Variants in DOCK1 observed in about 807,000 individuals in gnomAD.
DOCK1 encodes dedicator of cytokinesis protein 1.
Under a neutral mutation model 262.7 loss-of-function variants are expected in DOCK1, and 138 were observed. That is an observed-to-expected ratio of 0.53 (90% confidence interval 0.46 to 0.61). DOCK1 has a LOEUF of 0.61. Ranked by LOEUF, DOCK1 falls within the 20% of genes least tolerant of loss-of-function variation. DOCK1 has a pLI of 0.00. For synonymous variants in DOCK1, 866 were observed against 867.4 expected, an observed-to-expected ratio of 1.00 and a Z score of 0.03; for missense variants, 1,908 against 2,370.7, an observed-to-expected ratio of 0.80 and a Z score of 4.05.
At chr10:126,906,221 C>G (rs1405924598) in intron 1 of DOCK1, among the ~76,000 whole-genome samples, 2 of 152,202 alleles carry the variant, frequency 1.3e-5, no homozygotes, top group Non-Finnish European at 2.9e-5. Context: ...CCTGTTTTTG[C>G]TCCGCGGCTC....
intron 25 of DOCK1, among the ~76,000 whole-genome samples, chr10:127,119,268 C>CT (rs1474590371): frequency 6.6e-6 from 1 of 152,148 alleles, no homozygotes; most frequent in Non-Finnish European, 1.5e-5. Flanking sequence ...AGGATGGTCT[C>CT]TATCTCCTGA....
chr10:126,942,573 A>T (rs1469479973), intron 1 of DOCK1, among the ~76,000 whole-genome samples: 1 of 152,134 alleles, frequency 6.6e-6, no homozygotes, highest in Non-Finnish European at 1.5e-5. Flanking sequence ...GATTTGCAGG[A>T]AGTTTCCTTA....
intron 27 of DOCK1, among the ~76,000 whole-genome samples, chr10:127,132,034 C>T (rs1040695734): frequency 2.0e-5 from 3 of 152,162 alleles, no homozygotes; most frequent in African/African-American, 7.2e-5. Context: ...GAAATGTGGC[C>T]TCTTTCCATC....
chr10:127,448,052 T>C (rs28706731), intron 51 of DOCK1, among the ~76,000 whole-genome samples: 2 of 152,140 alleles, frequency 1.3e-5, no homozygotes, highest in Admixed American at 1.3e-4. Flanking sequence ...TCCTGGGTGG[T>C]GACAGGCACT....
chr10:127,045,060 T>C (rs2044251723), intron 21 of DOCK1, among the ~76,000 whole-genome samples: 6 of 151,744 alleles, frequency 4.0e-5, no homozygotes, highest in Admixed American at 3.9e-4. Context: ...TAGCTGCGCG[T>C]GGTGGCACGT....
rs772736819 is a variant in DOCK1, at chr10:127,020,567, CA to C, written c.1327+1746del. On this transcript the variant is annotated intron_variant, in intron 13 of 51. Coordinates refer to ENST00000623213, the MANE Select transcript of DOCK1 (RefSeq NM_001290223.2). ...TGAGTGACAGAGAGAGAACCTGTCT[CA>C]AAAAAAAAAAAAACTAAGTCTAAAC... 1.3e-3 allele frequency among the ~76,000 whole-genome samples: 150 copies of C among 117,030 alleles called. 1 individual carries two copies. The highest frequency in any genetic ancestry group is 1.9e-3 in the African/African-American group (57 of 30,430). The allele number at this position is 117,030 out of a possible 152,430, so 76.8% of individuals were successfully genotyped here.
chr10:127,040,884 C>T (rs1466575964), intron 19 of DOCK1, among the ~76,000 whole-genome samples: 1 of 152,200 alleles, frequency 6.6e-6, no homozygotes, highest in Non-Finnish European at 1.5e-5. Context: ...ACACTTTCAT[C>T]ATCCCAAAAG....
chr10:127,397,831 G>A (rs1018672931), intron 38 of DOCK1, among the ~76,000 whole-genome samples: 3 of 151,800 alleles, frequency 2.0e-5, no homozygotes, highest in East Asian at 1.9e-4. Context: ...CCCGGGCAGC[G>A]ACTCCTGTGT....
chr10:127,200,511 C>T (rs2134225636), intron 27 of DOCK1, among the ~76,000 whole-genome samples: 1 of 152,220 alleles, frequency 6.6e-6, no homozygotes, highest in Admixed American at 6.5e-5. Context: ...CTCCATCTCC[C>T]ATGTTCAAGC....
At position 127,100,726 on chromosome 10, in the gene DOCK1, G is replaced by A. The variant is rs952118685; in HGVS notation, c.2446-5505G>A. 6.6e-6 allele frequency among the ~76,000 whole-genome samples: 1 copy of A among 152,018 alleles called. No individual in the cohort carries two copies. Among genetic ancestry groups the A allele is most frequent in the Non-Finnish European group, 1.5e-5 (1 of 67,988 alleles). ...TGGCCACCCTGGGAGTGAGGGCCAC[G>A]CGTGCCCCAGAGGTGAGGTGGCCAA... On this transcript the variant is annotated intron_variant, in intron 23 of 51. Coordinates refer to ENST00000623213, the MANE Select transcript of DOCK1 (RefSeq NM_001290223.2). This position sits in a 1 kb window ranked among gnomAD's most constrained non-coding sequence, Gnocchi z 5.5.
chr10:127,223,771 G>GCTTTTTAAGAAGTGGC (rs1177494067), intron 27 of DOCK1, among the ~76,000 whole-genome samples: 1 of 152,158 alleles, frequency 6.6e-6, no homozygotes, highest in Non-Finnish European at 1.5e-5. Flanking sequence ...AAGAAGTGAG[G>GCTTTTTAAGAAGTGGC]CTTTTTAAGA....
intron 23 of DOCK1, among the ~76,000 whole-genome samples, chr10:127,069,342 C>T (rs575458013): frequency 2.5e-4 from 38 of 152,226 alleles, no homozygotes; most frequent in Non-Finnish European, 2.2e-4. Context: ...GGTAAGGAGA[C>T]GAGAACTCCG....
At chr10:127,191,774 G>A (rs193273966) in intron 27 of DOCK1, among the ~76,000 whole-genome samples, 6 of 152,256 alleles carry the variant, frequency 3.9e-5, no homozygotes, top group African/African-American at 1.2e-4. Flanking sequence ...AGGCCCTCAT[G>A]CCATCAGCCT....
At chr10:127,223,822 C>T (rs2058531780) in intron 27 of DOCK1, among the ~76,000 whole-genome samples, 1 of 152,162 alleles carries the variant, frequency 6.6e-6, no homozygotes, top group African/African-American at 2.4e-5. Context: ...AAGCTGATCA[C>T]TGTCTCCTTG....
chr10:127,277,570 C>A (rs2060786601), intron 29 of DOCK1, among the ~76,000 whole-genome samples: 1 of 152,040 alleles, frequency 6.6e-6, no homozygotes, highest in Non-Finnish European at 1.5e-5. Context: ...CCAGGCTGAC[C>A]AATATGGTGA....
Position 127,032,228 on chromosome 10 carries a change from G to A in DOCK1, c.1820G>A (p.Gly607Asp). Residue 607 changes from glycine to aspartate, a missense_variant, in exon 18 of 52, where the codon GGC becomes GAC. Coordinates refer to ENST00000623213, the MANE Select transcript of DOCK1 (RefSeq NM_001290223.2). ...GAAGAAAAGGGCCACTCGGCCACCG[G>A]CAAGAGCATGCAGAGCCTTGGGAGC... Reference protein sequence around the residue: ...ELEEKGHSATGKSMQSLGSCT... With the variant: ...ELEEKGHSATDKSMQSLGSCT... 6.2e-7 allele frequency: 1 copy of A among 1,600,710 alleles called. No homozygotes were observed. Among genetic ancestry groups the A allele is most frequent in the Non-Finnish European group, 8.5e-7 (1 of 1,173,570 alleles).
At chr10:127,381,216 C>A in intron 36 of DOCK1, 62 bp from the exon 37 acceptor site, 2 of 1,423,088 alleles carry the variant, frequency 1.4e-6, no homozygotes, top group South Asian at 1.4e-5. Flanking sequence ...TTAGCTCTTG[C>A]AATCCTCAAC....
intron 1 of DOCK1, among the ~76,000 whole-genome samples, chr10:126,952,055 G>A (rs1188140588): frequency 6.6e-5 from 10 of 152,056 alleles, no homozygotes; most frequent in South Asian, 4.2e-4. Context: ...TCACCATGTT[G>A]GCCAGGATGG....
chr10:127,412,184 G>A (rs7904926), intron 43 of DOCK1, among the ~76,000 whole-genome samples: 38,714 of 151,732 alleles, frequency 0.26, 5,223 homozygotes, highest in African/African-American at 0.33. Context: ...GAATGGTCTC[G>A]ATCTCCTGAC....
Sources: gnomAD v4.1 joint callset for allele counts (sites outside exome capture counted in the v4.1 genomes callset) on GRCh38, gnomAD v4.1.1 for gene constraint, Gnocchi (gnomAD v3.1) non-coding constraint, MANE v1.5 for transcripts, NCBI Gene and HGNC (gene_info 2026-07-23, HGNC 2026-07-21) for gene names.